The following FAM114A1 variants were observed in gnomAD, a reference collection of about 807,000 sequenced individuals.
FAM114A1 encodes the protein protein NOXP20.
In FAM114A1, 62 loss-of-function variants were observed where a neutral mutation model predicts 64.3. That is an observed-to-expected ratio of 0.96 (90% CI 0.79 to 1.19). The LOEUF (loss-of-function observed/expected upper bound fraction) is 1.19, where lower values mean the gene tolerates loss of function less well. FAM114A1 is among the 50% of genes most tolerant of loss of function. The pLI, the probability that FAM114A1 is intolerant of heterozygous loss-of-function variation, is 0.00. For synonymous variants in FAM114A1, 254 were observed against 251.1 expected (o/e 1.01, Z -0.11); for missense variants, 645 against 676.3 (o/e 0.95, Z 0.51).
chr4:38,880,844 AC>A (rs1715197241), intron 3 of FAM114A1, among the ~76,000 whole-genome samples: 3 of 152,254 alleles, frequency 2.0e-5, no homozygotes, highest in African/African-American at 7.2e-5. Context: ...AAATCCATAT[AC>A]ATTCCAATTT....
chr4:38,872,009 A>G (rs894631691), intron 2 of FAM114A1, among the ~76,000 whole-genome samples: 10 of 152,352 alleles, frequency 6.6e-5, no homozygotes, highest in African/African-American at 2.2e-4. Context: ...TGTCTTGGGT[A>G]TAGAAGCAGA....
chr4:38,911,922 C>T lies in FAM114A1; in HGVS notation c.793-2999C>T, dbSNP rs148044313. Among the ~76,000 whole-genome samples, 1,226 of 134,872 alleles carry T rather than the reference C, an allele frequency of 9.1e-3. 22 individuals are homozygous for T. Among genetic ancestry groups the T allele is most frequent in the African/African-American group, 0.033 (1,146 of 34,980 alleles). The allele number at this position is 134,872 out of a possible 152,430, so 88.5% of individuals were successfully genotyped here. On this transcript the variant is annotated intron_variant, in intron 7 of 14. Coordinates refer to ENST00000358869, the MANE Select transcript of FAM114A1 (RefSeq NM_138389.4). ...TGTCGCCCAGGATGGAGTGCAGTGG[C>T]GCGATCTTGACTCACTGCAACCTCC... is the stretch of plus-strand genomic sequence containing the variant.
chr4:38,893,404 C>A (rs904905001), intron 4 of FAM114A1, among the ~76,000 whole-genome samples: 1 of 152,146 alleles, frequency 6.6e-6, no homozygotes, highest in Non-Finnish European at 1.5e-5. Context: ...CAGTTTTAAC[C>A]GCATCCAAAC....
At chr4:38,943,125 G>A (rs6825432) in intron 14 of FAM114A1, among the ~76,000 whole-genome samples, 17,899 of 150,802 alleles carry the variant, frequency 0.12, 1,659 homozygotes, top group Non-Finnish European at 0.16. Flanking sequence ...CCTGGGAGGC[G>A]GAAGTTGCAG....
intron 4 of FAM114A1, among the ~76,000 whole-genome samples, chr4:38,901,888 A>G (rs923807696): frequency 1.3e-5 from 2 of 152,214 alleles, no homozygotes; most frequent in African/African-American, 4.8e-5. Context: ...GGTTAGTGTC[A>G]GGTTTCACCC....
At chr4:38,907,953 CAGG>C (rs1196668177) in intron 6 of FAM114A1, among the ~76,000 whole-genome samples, 1 of 152,042 alleles carries the variant, frequency 6.6e-6, no homozygotes, top group Non-Finnish European at 1.5e-5. Context: ...AAGGGATTTG[CAGG>C]AGGATAGCTA....
At chr4:38,882,964 A>G (rs1190574755) in intron 3 of FAM114A1, among the ~76,000 whole-genome samples, 1 of 151,900 alleles carries the variant, frequency 6.6e-6, no homozygotes, top group Non-Finnish European at 1.5e-5. Context: ...ATGCACTCGG[A>G]TAAACTATCT....
At chr4:38,895,824 T>C (rs1471551742) in intron 4 of FAM114A1, among the ~76,000 whole-genome samples, 2 of 152,164 alleles carry the variant, frequency 1.3e-5, no homozygotes, top group Non-Finnish European at 2.9e-5. Flanking sequence ...CTGTAGGCAA[T>C]TGTAACACAA....
chr4:38,939,904 T>G (rs1487780426), intron 13 of FAM114A1, among the ~76,000 whole-genome samples: 9 of 146,970 alleles, frequency 6.1e-5, no homozygotes, highest in Admixed American at 1.4e-4. Context: ...TTTTTTTTTT[T>G]GTTAGACGGA....
intron 2 of FAM114A1, among the ~76,000 whole-genome samples, chr4:38,877,797 TC>T (rs1290645642): frequency 6.6e-6 from 1 of 152,082 alleles, no homozygotes; most frequent in African/African-American, 2.4e-5. Context: ...AAACCCCGTT[TC>T]TACTAAAAAC....
chr4:38,902,099 G>A (rs1465113552), intron 4 of FAM114A1, among the ~76,000 whole-genome samples: 1 of 152,208 alleles, frequency 6.6e-6, no homozygotes, highest in Non-Finnish European at 1.5e-5. Flanking sequence ...GATTACACAT[G>A]TGGGTTCTAG....
intron 9 of FAM114A1, among the ~76,000 whole-genome samples, chr4:38,925,886 A>G (rs183105988): frequency 3.1e-4 from 47 of 152,062 alleles, no homozygotes; most frequent in Non-Finnish European, 5.9e-4. Flanking sequence ...TTTTTCCAAA[A>G]TAGTTTCTAA....
intron 2 of FAM114A1, among the ~76,000 whole-genome samples, chr4:38,875,179 A>G (rs928944447): frequency 2.0e-4 from 28 of 139,296 alleles, no homozygotes; most frequent in Admixed American, 7.6e-4. Flanking sequence ...TTCCACATGA[A>G]TTTTAGAATA....
chr4:38,878,271 G>A lies in FAM114A1; in HGVS notation c.193G>A (p.Ala65Thr), dbSNP rs772439160. The change falls in exon 3 of 15, where the codon GCC (alanine) becomes ACC (threonine). Residue 65 changes from alanine (A) to threonine (T), a missense_variant. Ala to Thr is a moderately conservative substitution (Grantham distance 58, BLOSUM62 0). Transcript: ENST00000358869. ...AGCTGTGCAGGGTGCAGGGGCTGCC[G>A]CCATTGGGCCCCCTGTGCAGCCTCA... ...NAAVQGAGAA[A>T]IGPPVQPQDA... 5 of 1,614,168 alleles carry A rather than the reference G, an allele frequency of 3.1e-6. No individual in the cohort carries two copies. Among genetic ancestry groups the A allele is most frequent in the Admixed American group, 1.7e-5 (1 of 60,026 alleles).
chr4:38,896,935 G>C (rs1377927059), intron 4 of FAM114A1, among the ~76,000 whole-genome samples: 1 of 152,196 alleles, frequency 6.6e-6, no homozygotes, highest in Non-Finnish European at 1.5e-5. Flanking sequence ...GCTGCAGACA[G>C]GGGTGCAAAA....
chr4:38,941,400 A>G (rs1721568468), intron 14 of FAM114A1, among the ~76,000 whole-genome samples: 1 of 152,204 alleles, frequency 6.6e-6, no homozygotes, highest in Non-Finnish European at 1.5e-5. Context: ...TCTATTTAGA[A>G]TAACCTTTGG....
At chr4:38,886,342 T>C (rs1182635068) in intron 3 of FAM114A1, among the ~76,000 whole-genome samples, 2 of 151,844 alleles carry the variant, frequency 1.3e-5, no homozygotes, top group East Asian at 3.9e-4. Context: ...GGCTAATTTT[T>C]GTATTTTTAG....
At chr4:38,921,911 T>C (rs531333313) in intron 8 of FAM114A1, among the ~76,000 whole-genome samples, 1 of 152,364 alleles carries the variant, frequency 6.6e-6, no homozygotes, top group African/African-American at 2.4e-5. Context: ...TATTTATGTT[T>C]ATATATGGAT....
chr4:38,913,030 GA>G (rs1345157785), intron 7 of FAM114A1, among the ~76,000 whole-genome samples: 1 of 152,136 alleles, frequency 6.6e-6, no homozygotes, highest in Non-Finnish European at 1.5e-5. Context: ...AGATAACCTC[GA>G]GAACCCAGAA....
Sources: gnomAD v4.1 joint callset for allele counts (sites outside exome capture counted in the v4.1 genomes callset) on GRCh38, gnomAD v4.1.1 for gene constraint, MANE v1.5 for transcripts, NCBI Gene and HGNC (gene_info 2026-07-23, HGNC 2026-07-21) for gene names.